COBL: variants seen among roughly 807,000 people sequenced by gnomAD.
COBL encodes cordon-bleu WH2 repeat protein.
Under a neutral mutation model 98.8 loss-of-function variants are expected in COBL, and 51 were observed. The ratio of observed to expected loss-of-function variants is 0.52; its 90% CI spans 0.41 to 0.65. The LOEUF is 0.65. COBL is among the 30% of genes least tolerant of loss of function. The pLI is 0.00. For synonymous variants in COBL, 634 were observed against 651.7 expected (o/e 0.97, Z 0.41); for missense variants, 1,617 against 1,617.5 (o/e 1.00, Z 0.01).
At chr7:51,220,818 T>C (rs1343386336) in intron 1 of COBL, among the ~76,000 whole-genome samples, 1 of 152,140 alleles carries the variant, frequency 6.6e-6, no homozygotes, top group Non-Finnish European at 1.5e-5. Flanking sequence ...AGGCCCTGGT[T>C]CTGATGAACA....
chr7:51,057,115 G>A (rs1790836486), intron 7 of COBL, among the ~76,000 whole-genome samples: 1 of 152,110 alleles, frequency 6.6e-6, no homozygotes, highest in Non-Finnish European at 1.5e-5. Context: ...GTTCTCAGAC[G>A]GACTGTCTCA....
At chr7:51,022,609 CA>C (rs1787052095) in intron 12 of COBL, 1 of 152,174 alleles carries the variant, frequency 6.6e-6, no homozygotes, top group South Asian at 2.1e-4. Flanking sequence ...CAGAGGAACG[CA>C]TTCTCAGAAG....
chr7:51,135,258 C>T (rs1200708725), intron 6 of COBL, among the ~76,000 whole-genome samples: 3 of 152,096 alleles, frequency 2.0e-5, no homozygotes, highest in Non-Finnish European at 4.4e-5. Flanking sequence ...CTACTGCACC[C>T]GGCCTAGAAA....
chr7:51,120,181 G>T (rs1449057340), intron 6 of COBL, among the ~76,000 whole-genome samples: 1 of 152,112 alleles, frequency 6.6e-6, no homozygotes, highest in Non-Finnish European at 1.5e-5. Flanking sequence ...GATCAAACAA[G>T]GGGGTCAAAA....
chr7:51,311,177 GA>G (rs1439946733), intron 1 of COBL, among the ~76,000 whole-genome samples: 3 of 152,136 alleles, frequency 2.0e-5, no homozygotes, highest in Non-Finnish European at 4.4e-5. Flanking sequence ...TTTTTTAATA[GA>G]AATGTTTTTA....
chr7:51,106,200 C>CAA (rs61220710), intron 6 of COBL, among the ~76,000 whole-genome samples: 31,670 of 102,294 alleles, frequency 0.31, 5,036 homozygotes, highest in East Asian at 0.47. Flanking sequence ...CGAGATGTCT[C>CAA]AAAAAAAAAA....
chr7:51,229,659 C>T (rs1328845081), intron 1 of COBL, among the ~76,000 whole-genome samples: 4 of 152,180 alleles, frequency 2.6e-5, no homozygotes, highest in African/African-American at 9.7e-5. Context: ...TGATTTAGTA[C>T]ATTCTTTTCC....
chr7:51,289,252 G>A (rs1374191201), intron 1 of COBL, among the ~76,000 whole-genome samples: 2 of 152,122 alleles, frequency 1.3e-5, no homozygotes, highest in African/African-American at 4.8e-5. Flanking sequence ...TTTGCAAGTC[G>A]TTCTACATAC....
At position 51,023,667 on chromosome 7, in the gene COBL, C is replaced by T. The variant is rs143370298; in HGVS notation, c.3768+1442G>A. On this transcript the variant is annotated intron_variant, in intron 12 of 12. Transcript: ENST00000265136. ...GCAGTGCCTTTCACAGCAAGGCTGC[C>T]GGCCGGGTGTGGGGCCTCCTCCATT... is the stretch of plus-strand genomic sequence containing the variant. 5.8e-3 allele frequency among the ~76,000 whole-genome samples: 888 copies of T among 152,352 alleles called. 5 individuals carry two copies. Among genetic ancestry groups the T allele is most frequent in the Middle Eastern group, 0.034 (10 of 294 alleles).
At chr7:51,274,055 G>A (rs565538873) in intron 1 of COBL, among the ~76,000 whole-genome samples, 2 of 152,022 alleles carry the variant, frequency 1.3e-5, no homozygotes, top group South Asian at 2.1e-4. Context: ...TCGTAGCCTC[G>A]AATACCACCA....
In COBL at chr7:51,028,675, G is replaced by A. The variant is rs1220151234; in HGVS notation, c.2421C>T (p.Leu807=). The part of the protein sequence containing the change: ...PTQTQNPESR[L]QADPKPISPQ... Reference sequence around the variant, plus strand: ...GCGATATTGGCTTGGGGTCTGCTTGGAGTCTGCTCTCTGGATTCTGCGTCT... The same window carrying A: ...GCGATATTGGCTTGGGGTCTGCTTGAAGTCTGCTCTCTGGATTCTGCGTCT... The change falls in exon 10 of 13, where the codon CTC becomes CTT. Residue 807 remains leucine (L), a synonymous_variant. Coordinates refer to ENST00000265136, the MANE Select transcript of COBL (RefSeq NM_015198.5). 1 of 1,613,022 alleles carries A rather than the reference G, an allele frequency of 6.2e-7. No individual in the cohort carries two copies. Among genetic ancestry groups the A allele is most frequent in the Non-Finnish European group, 8.5e-7 (1 of 1,179,396 alleles).
At chr7:51,062,695 C>A (rs1791505715) in intron 7 of COBL, among the ~76,000 whole-genome samples, 1 of 152,300 alleles carries the variant, frequency 6.6e-6, no homozygotes, top group South Asian at 2.1e-4. Context: ...ATGATCTTTC[C>A]CTTGTCAGCC....
At chr7:51,059,034 G>T (rs187912775) in intron 7 of COBL, among the ~76,000 whole-genome samples, 20 of 152,330 alleles carry the variant, frequency 1.3e-4, no homozygotes, top group African/African-American at 4.3e-4. Context: ...CCATGTGGGT[G>T]AGTATAAGTG....
chr7:51,198,146 G>C (rs1051515725), intron 2 of COBL, among the ~76,000 whole-genome samples: 1 of 152,146 alleles, frequency 6.6e-6, no homozygotes, highest in Non-Finnish European at 1.5e-5. Flanking sequence ...GCTGGTAATG[G>C]TGTTTCCTTT....
intron 1 of COBL, among the ~76,000 whole-genome samples, chr7:51,274,075 T>C (rs1285250458): frequency 2.0e-5 from 3 of 152,096 alleles, no homozygotes; most frequent in African/African-American, 4.8e-5. Context: ...ATGCTCACAG[T>C]TCCCCCCAGT....
At chr7:51,156,508 C>T (rs914850107) in intron 5 of COBL, 27 of 984,946 alleles carry the variant, frequency 2.7e-5, no homozygotes, top group Middle Eastern at 1.0e-3. Context: ...AAAGGAGTTA[C>T]GCTCACCATA....
chr7:51,282,519 T>C (rs1416061134), intron 1 of COBL, among the ~76,000 whole-genome samples: 1 of 151,948 alleles, frequency 6.6e-6, no homozygotes, highest in Admixed American at 6.6e-5. Flanking sequence ...CAAGAAGATA[T>C]AACAATCCTA....
At chr7:51,155,394 C>G (rs933644227) in intron 5 of COBL, among the ~76,000 whole-genome samples, 2 of 151,780 alleles carry the variant, frequency 1.3e-5, no homozygotes, top group African/African-American at 4.8e-5. Context: ...TTCAGACCAG[C>G]CTGGCCAACA....
rs543447308 is a variant in COBL at position 51,086,102 on chromosome 7, TCTC to T, written c.958-801_958-799del. On this transcript the variant is annotated intron_variant, in intron 6 of 12. Coordinates refer to ENST00000265136, the MANE Select transcript of COBL (RefSeq NM_015198.5). ...GAAGGACTACATAATCCTACTCTCC[TCTC>T]CTCCTCATTAGGGCGAAAGTTTTTA... Among the ~76,000 whole-genome samples, 6 of 152,232 alleles carry T rather than the reference TCTC, an allele frequency of 3.9e-5. No individual in the cohort carries two copies. The South Asian group carries it at 6.2e-4, about 16-fold the overall frequency.
Sources: gnomAD v4.1 joint callset for allele counts (sites outside exome capture counted in the v4.1 genomes callset) on GRCh38, gnomAD v4.1.1 for gene constraint, MANE v1.5 for transcripts, NCBI Gene and HGNC (gene_info 2026-07-23, HGNC 2026-07-21) for gene names.